The following INHBC variants were observed in gnomAD, a reference collection of about 807,000 sequenced individuals.
INHBC encodes inhibin subunit beta C.
A neutral mutation model predicts 12.4 loss-of-function variants in INHBC; 10 were observed. The ratio of observed to expected loss-of-function variants is 0.81; its 90% CI spans 0.50 to 1.37. The LOEUF (loss-of-function observed/expected upper bound fraction) is 1.37. Ranked by LOEUF, INHBC falls within the 40% of genes most tolerant of loss-of-function variation. The pLI is 0.00. For missense variants in INHBC, 382 were observed against 439.4 expected (o/e 0.87, Z 1.17); for synonymous variants, 147 against 171.6 (o/e 0.86, Z 1.12).
At chr12:57,445,331 G>A (rs1206088796) in intron 1 of INHBC, among the ~76,000 whole-genome samples, 1 of 152,214 alleles carries the variant, frequency 6.6e-6, no homozygotes. Flanking sequence ...TTGGAGAATG[G>A]TTTGGAGAGC....
chr12:57,437,726 T>A (rs1870374505), intron 1 of INHBC, among the ~76,000 whole-genome samples: 1 of 151,922 alleles, frequency 6.6e-6, no homozygotes, highest in African/African-American at 2.4e-5. Context: ...GCAAGCTTTT[T>A]CTTAGGTCTG....
chr12:57,445,996 G>A (rs1298459312), intron 1 of INHBC, among the ~76,000 whole-genome samples: 2 of 150,990 alleles, frequency 1.3e-5, no homozygotes, highest in South Asian at 2.1e-4. Flanking sequence ...GTGCAGTGGC[G>A]CGATGTCAGC....
chr12:57,435,907 C>T (rs1028409834), intron 1 of INHBC, among the ~76,000 whole-genome samples: 2 of 150,782 alleles, frequency 1.3e-5, no homozygotes, highest in South Asian at 2.1e-4. Context: ...AGTGCAGTGG[C>T]GTGATCTCGG....
intron 1 of INHBC, among the ~76,000 whole-genome samples, chr12:57,439,838 T>C (rs1439309121): frequency 2.0e-5 from 3 of 152,226 alleles, no homozygotes; most frequent in Non-Finnish European, 4.4e-5. Flanking sequence ...CAAAGCGTTT[T>C]TTTGGTTTGT....
At chr12:57,441,353 TCAAAAAAAAAAAA>T (rs1305708352) in intron 1 of INHBC, among the ~76,000 whole-genome samples, 3 of 29,606 alleles carry the variant, frequency 1.0e-4, no homozygotes, top group African/African-American at 1.5e-4. Context: ...AAATTCCATC[TCAAAAAAAAAAAA>T]AAAAAAAAAA....
chr12:57,447,913 AT>A (rs1269090988), intron 1 of INHBC, among the ~76,000 whole-genome samples: 5 of 112,750 alleles, frequency 4.4e-5, no homozygotes, highest in African/African-American at 1.6e-4. Context: ...ATATATATAT[AT>A]ATATATATAA....
At chr12:57,444,542 GA>G (rs61276528) in intron 1 of INHBC, among the ~76,000 whole-genome samples, 9,449 of 94,826 alleles carry the variant, frequency 0.1, 407 homozygotes, top group East Asian at 0.29. Flanking sequence ...CTCTGTCTCA[GA>G]AAAAAAAAAA....
In INHBC at chr12:57,449,730, TC is replaced by T. The variant is rs746556156; in HGVS notation, c.769del (p.Arg257ValfsTer17). 209 of 1,614,124 alleles carry T rather than the reference TC, an allele frequency of 1.3e-4. No individual in the cohort carries two copies. Among genetic ancestry groups the T allele is most frequent in the Non-Finnish European group, 1.7e-4 (200 of 1,180,046 alleles). ...MCCRQEFFVD[F>X]REIGWHDWII... ...TGTCGACAAGAGTTTTTTGTGGACT[TC>T]CGTGAGATTGGCTGGCACGACTGGA... On this transcript the variant is annotated frameshift_variant, in exon 2 of 2. Coordinates refer to ENST00000309668, the MANE Select transcript of INHBC (RefSeq NM_005538.4). LOFTEE classifies it high-confidence loss of function.
In INHBC at chr12:57,450,269, T is replaced by G; in HGVS notation, c.*247T>G. 2.8e-6 allele frequency: 1 copy of G among 363,046 alleles called. No homozygotes were observed. Among genetic ancestry groups the G allele is most frequent in the Non-Finnish European group, 4.9e-6 (1 of 202,776 alleles). 22.5% of individuals were successfully genotyped at this position (363,046 alleles called of 1,614,324 possible). On this transcript the variant is annotated 3_prime_UTR_variant, in exon 2 of 2. Transcript: ENST00000309668. ...AGTCCATCCCGCTAGTCCATCCCGC[T>G]AGCCCCACTCCAGGGACTCAGACCC...
rs1471509513 is a variant in INHBC, at chr12:57,451,747, A to T, written c.*1725A>T. On this transcript the variant is annotated 3_prime_UTR_variant, in exon 2 of 2. Transcript: ENST00000309668. ...AGCTTGAGGGCTTCCTGAGCAACCCATGGAAGTTATCCCACCTTTGACTTG... is the reference window on the plus strand; with the variant it reads ...AGCTTGAGGGCTTCCTGAGCAACCCTTGGAAGTTATCCCACCTTTGACTTG... 2.3e-6 allele frequency: 1 copy of T among 429,352 alleles called. No homozygotes were observed. The highest frequency in any genetic ancestry group is 4.7e-6 in the Non-Finnish European group (1 of 213,960). 26.6% of individuals were successfully genotyped at this position (429,352 alleles called of 1,614,324 possible).
chr12:57,441,058 C>CA (rs1240850099), intron 1 of INHBC, among the ~76,000 whole-genome samples: 4 of 151,860 alleles, frequency 2.6e-5, no homozygotes, highest in South Asian at 2.1e-4. Flanking sequence ...AACAAACAAA[C>CA]AAACAAAACA....
At chr12:57,446,353 A>G (rs551494533) in intron 1 of INHBC, among the ~76,000 whole-genome samples, 2 of 152,180 alleles carry the variant, frequency 1.3e-5, no homozygotes, top group Non-Finnish European at 2.9e-5. Context: ...AGGACCAGAT[A>G]TATATATTTG....
chr12:57,434,810 C>A lies in INHBC; in HGVS notation c.-77C>A. On this transcript the variant is annotated 5_prime_UTR_variant, in exon 1 of 2. Coordinates refer to ENST00000309668, the MANE Select transcript of INHBC (RefSeq NM_005538.4). ...CACTTCTTCCAGGGCCTCTGGCAGC[C>A]AGGACAGAGTTGAGACCACAGCTGT... 7.2e-7 allele frequency: 1 copy of A among 1,383,960 alleles called. No individual in the cohort carries two copies. Among genetic ancestry groups the A allele is most frequent in the Non-Finnish European group, 9.9e-7 (1 of 1,012,054 alleles). 85.7% of individuals were successfully genotyped at this position (1,383,960 alleles called of 1,614,324 possible).
intron 1 of INHBC, among the ~76,000 whole-genome samples, chr12:57,442,829 A>G (rs61935679): frequency 0.036 from 5,403 of 151,958 alleles, 131 homozygotes; most frequent in Non-Finnish European, 0.054. Flanking sequence ...TGTCTCTACT[A>G]AAAATACAAA....
chr12:57,447,922 T>TATAA lies in INHBC; in HGVS notation c.314-1354_314-1353insTAAA, dbSNP rs1324931217. Among the ~76,000 whole-genome samples, 391 of 75,614 alleles carry TATAA rather than the reference T, an allele frequency of 5.2e-3. 3 individuals are homozygous for TATAA. The highest frequency in any genetic ancestry group is 7.1e-3 in the Middle Eastern group (1 of 140). The allele number at this position is 75,614 out of a possible 152,430, so 49.6% of individuals were successfully genotyped here. A position where few individuals can be genotyped will look rare whatever the true frequency, so the allele number is the denominator to read the frequency against. On this transcript the variant is annotated intron_variant, in intron 1 of 1. Coordinates refer to ENST00000309668, the MANE Select transcript of INHBC (RefSeq NM_005538.4). ...ATATATATATATATATATATATATA[T>TATAA]AAAATATATGTGTGTGTGCTTGTGT...
chr12:57,451,520 T>C lies in INHBC; in HGVS notation c.*1498T>C, dbSNP rs911417137. Among the ~76,000 whole-genome samples the C allele has an allele frequency of 1.3e-5, 2 of 152,148 alleles. No individual in the cohort carries two copies. Among genetic ancestry groups the C allele is most frequent in the Non-Finnish European group, 2.9e-5 (2 of 68,032 alleles). On this transcript the variant is annotated 3_prime_UTR_variant, in exon 2 of 2. Transcript: ENST00000309668. ...CCGTCCTCCCCCACATCTCCTCCCTTTGGCTGGACAGTCCTGAACCATGAG... is the reference window on the plus strand; with the variant it reads ...CCGTCCTCCCCCACATCTCCTCCCTCTGGCTGGACAGTCCTGAACCATGAG...
At chr12:57,445,120 G>T (rs1258928098) in intron 1 of INHBC, among the ~76,000 whole-genome samples, 1 of 152,194 alleles carries the variant, frequency 6.6e-6, no homozygotes, top group Non-Finnish European at 1.5e-5. Flanking sequence ...CAAGTGTAAA[G>T]GCTATGAGAT....
At chr12:57,441,378 A>G (rs1177623605) in intron 1 of INHBC, among the ~76,000 whole-genome samples, 1 of 122,244 alleles carries the variant, frequency 8.2e-6, no homozygotes, top group African/African-American at 2.9e-5. Context: ...AAAAAAAAAA[A>G]GCCAGGTGTG....
chr12:57,439,214 A>G (rs988214785), intron 1 of INHBC, among the ~76,000 whole-genome samples: 1 of 152,254 alleles, frequency 6.6e-6, no homozygotes, highest in Non-Finnish European at 1.5e-5. Context: ...AGACAGGGAC[A>G]GGATAAACAT....
Sources: allele counts gnomAD v4.1 joint callset (sites outside exome capture counted in the v4.1 genomes callset), GRCh38; gene constraint gnomAD v4.1.1; transcripts MANE v1.5; gene names NCBI Gene and HGNC (gene_info 2026-07-23, HGNC 2026-07-21).